C1orf21: variants seen among roughly 807,000 people sequenced by gnomAD.
C1orf21 encodes the protein chromosome 1 open reading frame 21.
C1orf21 carries 3 observed loss-of-function variants against 18.7 expected under a neutral mutation model. The ratio of observed to expected loss-of-function variants is 0.16; its 90% CI spans 0.07 to 0.42. The LOEUF (loss-of-function observed/expected upper bound fraction) is 0.42. C1orf21 is among the 10% of genes least tolerant of loss of function. The pLI, the probability that C1orf21 is intolerant of heterozygous loss-of-function variation, is 0.99. For missense variants in C1orf21, 104 were observed against 143.6 expected, an observed-to-expected ratio of 0.72 and a Z score of 1.41; for synonymous variants, 41 against 46.4, an observed-to-expected ratio of 0.88 and a Z score of 0.47.
chr1:184,518,067 T>G (rs941530537), intron 3 of C1orf21, among the ~76,000 whole-genome samples: 1 of 152,200 alleles, frequency 6.6e-6, no homozygotes, highest in Non-Finnish European at 1.5e-5. Context: ...TACCCCTTCA[T>G]TGATCTTGGA....
At chr1:184,464,651 A>G (rs1048126995) in intron 1 of C1orf21, among the ~76,000 whole-genome samples, 1 of 152,242 alleles carries the variant, frequency 6.6e-6, no homozygotes, top group Admixed American at 6.5e-5. Flanking sequence ...TGACTCTCAT[A>G]GTAAGAGTTT....
chr1:184,426,645 C>G (rs552803589), intron 1 of C1orf21, among the ~76,000 whole-genome samples: 1 of 152,274 alleles, frequency 6.6e-6, no homozygotes, highest in Non-Finnish European at 1.5e-5. Flanking sequence ...AATGTCCTTT[C>G]CTCAGAGAAA....
chr1:184,568,850 G>A (rs1659070261), intron 3 of C1orf21, among the ~76,000 whole-genome samples: 1 of 152,208 alleles, frequency 6.6e-6, no homozygotes, highest in Non-Finnish European at 1.5e-5. Flanking sequence ...GCTTCATTCT[G>A]AGTGGGATTA....
chr1:184,626,142 T>A lies in C1orf21; in HGVS notation c.*6586T>A, dbSNP rs947100184. 1 of 152,206 alleles carries A rather than the reference T, an allele frequency of 6.6e-6. No individual in the cohort carries two copies. Among genetic ancestry groups the A allele is most frequent in the African/African-American group, 2.4e-5 (1 of 41,446 alleles). 9.4% of individuals were successfully genotyped at this position (152,206 alleles called of 1,614,324 possible). ...GGAGCCCCTGGTACACTCCAGGCACTGCGCTAATTGCCAGCAAAGCACAAC... is the reference window on the plus strand; with the variant it reads ...GGAGCCCCTGGTACACTCCAGGCACAGCGCTAATTGCCAGCAAAGCACAAC... On this transcript the variant is annotated 3_prime_UTR_variant, in exon 6 of 6. Transcript: ENST00000235307.
chr1:184,415,582 A>G (rs919632764), intron 1 of C1orf21, among the ~76,000 whole-genome samples: 2 of 152,168 alleles, frequency 1.3e-5, no homozygotes, highest in African/African-American at 2.4e-5. Flanking sequence ...CATTAAATCA[A>G]TTTAGTAGAT....
chr1:184,495,539 T>A (rs1657880702), intron 2 of C1orf21, among the ~76,000 whole-genome samples: 1 of 152,118 alleles, frequency 6.6e-6, no homozygotes, highest in Non-Finnish European at 1.5e-5. Context: ...GTCAATATAC[T>A]TACTCATCTT....
intron 5 of C1orf21, among the ~76,000 whole-genome samples, chr1:184,604,201 A>G (rs1240584403): frequency 1.3e-5 from 2 of 152,196 alleles, no homozygotes; most frequent in African/African-American, 4.8e-5. Context: ...GGATATGATG[A>G]TGGGTTTTAT....
At chr1:184,428,084 A>G (rs1262616498) in intron 1 of C1orf21, among the ~76,000 whole-genome samples, 1 of 152,254 alleles carries the variant, frequency 6.6e-6, no homozygotes, top group Non-Finnish European at 1.5e-5. Flanking sequence ...GAGGATGATA[A>G]TAGACCCCAC....
At chr1:184,462,731 T>C (rs1265652472) in intron 1 of C1orf21, among the ~76,000 whole-genome samples, 1 of 152,140 alleles carries the variant, frequency 6.6e-6, no homozygotes, top group Admixed American at 6.5e-5. Context: ...GAAAATGTTA[T>C]TACAAACCAG....
chr1:184,559,611 C>CT (rs1466338122), intron 3 of C1orf21, among the ~76,000 whole-genome samples: 75 of 146,224 alleles, frequency 5.1e-4, no homozygotes, highest in East Asian at 1.0e-3. Flanking sequence ...TCCTTCCTTC[C>CT]TCCCTCCCTC....
chr1:184,447,445 A>G (rs978108633), intron 1 of C1orf21, among the ~76,000 whole-genome samples: 2 of 152,180 alleles, frequency 1.3e-5, no homozygotes, highest in African/African-American at 4.8e-5. Flanking sequence ...GTGATATCAC[A>G]TGTCTGGTCC....
intron 1 of C1orf21, among the ~76,000 whole-genome samples, chr1:184,411,522 C>T (rs1656353790): frequency 6.7e-6 from 1 of 150,172 alleles, no homozygotes; most frequent in Non-Finnish European, 1.5e-5. Context: ...CCCGGGTTCA[C>T]GCCATTCTCC....
In C1orf21 at chr1:184,523,891, T is replaced by C. The variant is rs567499816; in HGVS notation, c.189+16209T>C. Among the ~76,000 whole-genome samples, 14 of 152,258 alleles carry C rather than the reference T, an allele frequency of 9.2e-5. No individual in the cohort carries two copies. In the South Asian group the frequency reaches 2.7e-3, roughly 29 times the overall value. On this transcript the variant is annotated intron_variant, in intron 3 of 5. Coordinates refer to ENST00000235307, the MANE Select transcript of C1orf21 (RefSeq NM_030806.4). ...TTCCATGAGGATAAACCACTTTATG[T>C]AGGGTTATTGAGACAAAAAGGTTTT... is the stretch of plus-strand genomic sequence containing the variant.
rs368527249 is a variant in C1orf21 at position 184,605,008 on chromosome 1, ACT to A, written c.327+6550_327+6551del. On this transcript the variant is annotated intron_variant, in intron 5 of 5. Coordinates refer to ENST00000235307, the MANE Select transcript of C1orf21 (RefSeq NM_030806.4). ...CTGTGCATCAGGTGTGGCCAACAAC[ACT>A]CTGAACTCAATAGCAGTGTGAGGCA... Among the ~76,000 whole-genome samples, 69 of 152,248 alleles carry A rather than the reference ACT, an allele frequency of 4.5e-4. No homozygotes were observed. The East Asian group carries it at 6.8e-3, about 15-fold the overall frequency.
chr1:184,612,155 C>G (rs1043326879), intron 5 of C1orf21, among the ~76,000 whole-genome samples: 1 of 152,190 alleles, frequency 6.6e-6, no homozygotes. Flanking sequence ...GTCATCCAGA[C>G]AGGTAAAGGA....
chr1:184,569,081 A>G (rs1342103738), intron 3 of C1orf21, among the ~76,000 whole-genome samples: 1 of 152,244 alleles, frequency 6.6e-6, no homozygotes. Flanking sequence ...AGGCATTGGG[A>G]TAAGTCTCTG....
chr1:184,514,412 C>CCTAATA (rs1383249092), intron 3 of C1orf21, among the ~76,000 whole-genome samples: 1 of 152,054 alleles, frequency 6.6e-6, no homozygotes, highest in African/African-American at 2.4e-5. Context: ...GATGGTGTTG[C>CCTAATA]CTAATAGGAC....
At chr1:184,612,747 A>T (rs545588433) in intron 5 of C1orf21, among the ~76,000 whole-genome samples, 4 of 152,298 alleles carry the variant, frequency 2.6e-5, no homozygotes, top group African/African-American at 2.4e-5. Flanking sequence ...CATGTGATTT[A>T]TGTGGGTATT....
chr1:184,575,672 A>G (rs1242610919), intron 3 of C1orf21, among the ~76,000 whole-genome samples: 1 of 151,650 alleles, frequency 6.6e-6, no homozygotes, highest in Admixed American at 6.6e-5. Context: ...AACAGAATCC[A>G]TACATTTTAT....
Sources: allele counts gnomAD v4.1 joint callset (sites outside exome capture counted in the v4.1 genomes callset), GRCh38; gene constraint gnomAD v4.1.1; transcripts MANE v1.5; gene names NCBI Gene and HGNC (gene_info 2026-07-23, HGNC 2026-07-21).